Variants in NEGR1 observed in about 807,000 individuals in gnomAD.
NEGR1 encodes the protein neuronal growth regulator 1.
In NEGR1, 10 loss-of-function variants were observed where a neutral mutation model predicts 40.9. That is an observed-to-expected ratio of 0.24 (90% confidence interval 0.15 to 0.42). The LOEUF is 0.42. Ranked by LOEUF, NEGR1 falls within the 10% of genes least tolerant of loss-of-function variation. The pLI is 1.00. For synonymous variants in NEGR1, 185 were observed against 166.8 expected, an observed-to-expected ratio of 1.11 and a Z score of -0.84; for missense variants, 352 against 438.9, an observed-to-expected ratio of 0.80 and a Z score of 1.77.
chr1:71,489,878 A>G (rs1646914621), intron 6 of NEGR1: 1 of 151,940 alleles, frequency 6.6e-6, no homozygotes, highest in African/African-American at 2.4e-5. Context: ...AATTCATCAC[A>G]GAAGAGGATG....
intron 6 of NEGR1, among the ~76,000 whole-genome samples, chr1:71,470,700 C>T (rs1646776738): frequency 6.6e-6 from 1 of 152,070 alleles, no homozygotes; most frequent in Non-Finnish European, 1.5e-5. Flanking sequence ...GGTTAAGAAG[C>T]ATTGAACTAA....
At position 71,603,482 on chromosome 1, in the gene NEGR1, T is replaced by G. The variant is rs149315672; in HGVS notation, c.788+7544A>C. On this transcript the variant is annotated intron_variant, in intron 5 of 6. Transcript: ENST00000357731. ...GTCATTTCACCTTCAAAAGATACAG[T>G]TTTTATTATCATATGTAATCCGGTT... is the stretch of plus-strand genomic sequence containing the variant. 5.9e-3 allele frequency among the ~76,000 whole-genome samples: 901 copies of G among 152,292 alleles called. 4 individuals are homozygous for G. Among genetic ancestry groups the G allele is most frequent in the Non-Finnish European group, 0.011 (758 of 68,004 alleles).
At chr1:71,905,030 C>T (rs980190918) in intron 2 of NEGR1, among the ~76,000 whole-genome samples, 3 of 152,010 alleles carry the variant, frequency 2.0e-5, no homozygotes, top group Non-Finnish European at 4.4e-5. Flanking sequence ...AATGTTCCTC[C>T]AAAAAATGTG....
chr1:71,981,579 G>A (rs1488611272), intron 1 of NEGR1, among the ~76,000 whole-genome samples: 1 of 152,162 alleles, frequency 6.6e-6, no homozygotes, highest in African/African-American at 2.4e-5. Flanking sequence ...AAAGTACCAT[G>A]AAAGAAGCAG....
Position 71,579,422 on chromosome 1 carries a change from C to T in NEGR1, c.940+13395G>A, listed in dbSNP as rs528297121. Among the ~76,000 whole-genome samples the T allele has an allele frequency of 5.4e-4, 82 of 152,176 alleles. No individual in the cohort carries two copies. The Middle Eastern group carries it at 0.01, about 19-fold the overall frequency. On this transcript the variant is annotated intron_variant, in intron 6 of 6. Coordinates refer to ENST00000357731, the MANE Select transcript of NEGR1 (RefSeq NM_173808.3). Reference sequence around the variant, plus strand: ...TGAGACTAGGCATATAGATAATAAACTTAATAAGTGAAAAATGCTGAAGTT... The same window carrying T: ...TGAGACTAGGCATATAGATAATAAATTTAATAAGTGAAAAATGCTGAAGTT...
intron 1 of NEGR1, among the ~76,000 whole-genome samples, chr1:72,264,788 AATC>A (rs1203017616): frequency 4.0e-5 from 6 of 150,890 alleles, no homozygotes; most frequent in Non-Finnish European, 8.9e-5. Flanking sequence ...TCTCAGTAAT[AATC>A]ATCATTTAAA....
chr1:71,821,607 C>T lies in NEGR1; in HGVS notation c.410-45310G>A, dbSNP rs565490352. Among the ~76,000 whole-genome samples, 9 of 151,956 alleles carry T rather than the reference C, an allele frequency of 5.9e-5. No individual in the cohort carries two copies. In the South Asian group the frequency reaches 1.2e-3, roughly 21 times the overall value. ...TGCAACAGCCCCACCACTTGGACCA[C>T]GTAATTTGGTGAAGCCTGCAGTGTT... On this transcript the variant is annotated intron_variant, in intron 2 of 6. Coordinates refer to ENST00000357731, the MANE Select transcript of NEGR1 (RefSeq NM_173808.3).
chr1:71,969,172 G>A (rs1169441214), intron 1 of NEGR1, among the ~76,000 whole-genome samples: 2 of 151,826 alleles, frequency 1.3e-5, no homozygotes, highest in Admixed American at 1.3e-4. Flanking sequence ...CCGCCACCAC[G>A]CCCAGCTAAT....
At chr1:72,277,450 C>CT (rs1287995201) in intron 1 of NEGR1, among the ~76,000 whole-genome samples, 4 of 152,146 alleles carry the variant, frequency 2.6e-5, no homozygotes, top group Non-Finnish European at 5.9e-5. Context: ...ATCTATACAA[C>CT]TACATGGGCT....
intron 6 of NEGR1, among the ~76,000 whole-genome samples, chr1:71,432,375 A>G (rs1180440564): frequency 6.6e-6 from 1 of 152,214 alleles, no homozygotes; most frequent in Non-Finnish European, 1.5e-5. Context: ...AGTTTTTGCT[A>G]TGGTTTGGAT....
rs920960243 is a variant in NEGR1 at position 72,041,969 on chromosome 1, A to T, written c.177-106658T>A. 8.2e-5 allele frequency among the ~76,000 whole-genome samples: 11 copies of T among 133,634 alleles called. No individual in the cohort carries two copies. In the East Asian group the frequency reaches 1.3e-3, roughly 15 times the overall value. The allele number at this position is 133,634 out of a possible 152,430, so 87.7% of individuals were successfully genotyped here. ...GAGTCTCAAATATATATTATATATA[A>T]ATATATAATACATATTTGAGACTCT... On this transcript the variant is annotated intron_variant, in intron 1 of 6. Coordinates refer to ENST00000357731, the MANE Select transcript of NEGR1 (RefSeq NM_173808.3).
chr1:71,472,037 G>C lies in NEGR1; in HGVS notation c.941-64467C>G, dbSNP rs545384380. Among the ~76,000 whole-genome samples, 677 of 152,228 alleles carry C rather than the reference G, an allele frequency of 4.4e-3. 3 individuals are homozygous for C. The highest frequency in any genetic ancestry group is 8.0e-3 in the Non-Finnish European group (544 of 68,010). On this transcript the variant is annotated intron_variant, in intron 6 of 6. Coordinates refer to ENST00000357731, the MANE Select transcript of NEGR1 (RefSeq NM_173808.3). ...ATCAAAAGTCTTCTGATCACATGTTGTTCTCTCATACTGAAATCCCCTTTC... is the reference window on the plus strand; with the variant it reads ...ATCAAAAGTCTTCTGATCACATGTTCTTCTCTCATACTGAAATCCCCTTTC...
chr1:71,448,233 G>A (rs200851087), intron 6 of NEGR1, among the ~76,000 whole-genome samples: 10 of 146,600 alleles, frequency 6.8e-5, no homozygotes, highest in Non-Finnish European at 7.5e-5. Context: ...TTCTCTGAGA[G>A]AAAAAAAAAA....
chr1:72,191,641 T>C (rs928261774), intron 1 of NEGR1, among the ~76,000 whole-genome samples: 1 of 151,902 alleles, frequency 6.6e-6, no homozygotes, highest in East Asian at 1.9e-4. Context: ...TTTTCTCTCA[T>C]TTACCCTTAC....
intron 6 of NEGR1, among the ~76,000 whole-genome samples, chr1:71,438,619 T>C (rs1646526142): frequency 6.6e-6 from 1 of 152,230 alleles, no homozygotes. Flanking sequence ...GCATTTTGTA[T>C]TTGTTTAGTG....
At chr1:71,614,466 T>A (rs1365166324) in intron 4 of NEGR1, among the ~76,000 whole-genome samples, 1 of 152,184 alleles carries the variant, frequency 6.6e-6, no homozygotes, top group Non-Finnish European at 1.5e-5. Flanking sequence ...AATCTATAAA[T>A]AAAACTTCAT....
chr1:72,243,141 A>T (rs192779392), intron 1 of NEGR1, among the ~76,000 whole-genome samples: 6 of 151,840 alleles, frequency 4.0e-5, no homozygotes, highest in Admixed American at 3.3e-4. Context: ...ATATTTAATA[A>T]TTCAATTGTA....
chr1:71,461,696 G>A (rs1420803114), intron 6 of NEGR1: 1 of 152,132 alleles, frequency 6.6e-6, no homozygotes, highest in East Asian at 1.9e-4. Flanking sequence ...CCTGGAAAGA[G>A]GCAATCTACA....
intron 2 of NEGR1, among the ~76,000 whole-genome samples, chr1:71,860,417 A>G (rs531411240): frequency 2.6e-5 from 4 of 152,076 alleles, no homozygotes; most frequent in African/African-American, 9.6e-5. Context: ...CTTGTGAATC[A>G]GTTGATATTG....
Sources: allele counts gnomAD v4.1 joint callset (sites outside exome capture counted in the v4.1 genomes callset), GRCh38; gene constraint gnomAD v4.1.1; transcripts MANE v1.5; gene names NCBI Gene and HGNC (gene_info 2026-07-23, HGNC 2026-07-21).